The following FHIT variants were observed in gnomAD, a reference collection of about 807,000 sequenced individuals.
FHIT encodes fragile histidine triad diadenosine triphosphatase.
FHIT carries 19 observed loss-of-function variants against 17.9 expected under a neutral mutation model. The ratio of observed to expected loss-of-function variants is 1.06; its 90% CI spans 0.74 to 1.56. FHIT has a LOEUF of 1.56. Ranked by LOEUF, FHIT falls within the 40% of genes most tolerant of loss-of-function variation. The probability of loss-of-function intolerance (pLI) is 0.00; values close to 1 mark genes in which losing one functional copy is unlikely to be tolerated. For missense variants in FHIT, 248 were observed against 189.2 expected, an observed-to-expected ratio of 1.31 and a Z score of -1.82; for synonymous variants, 81 against 69.7, an observed-to-expected ratio of 1.16 and a Z score of -0.81.
At chr3:60,353,297 A>G (rs1699503052) in intron 5 of FHIT, among the ~76,000 whole-genome samples, 1 of 152,070 alleles carries the variant, frequency 6.6e-6, no homozygotes, top group African/African-American at 2.4e-5. Flanking sequence ...CTTTTTCTGT[A>G]AGATGCCCAG....
intron 2 of FHIT, among the ~76,000 whole-genome samples, chr3:61,046,408 T>C (rs1341083978): frequency 6.6e-6 from 1 of 152,198 alleles, no homozygotes; most frequent in Non-Finnish European, 1.5e-5. Context: ...GATAAATTCC[T>C]AGACACATAC....
chr3:60,074,935 T>C (rs915283648), intron 5 of FHIT, among the ~76,000 whole-genome samples: 2 of 152,210 alleles, frequency 1.3e-5, no homozygotes, highest in Admixed American at 6.5e-5. Flanking sequence ...TCCCTTTCAC[T>C]GGATCCAAGA....
chr3:59,929,052 T>C (rs1198008988), intron 7 of FHIT, among the ~76,000 whole-genome samples: 1 of 129,892 alleles, frequency 7.7e-6, no homozygotes, highest in Non-Finnish European at 1.6e-5. Flanking sequence ...GGCAAGGAAG[T>C]GGAGAAATTG....
chr3:60,545,537 C>T (rs1404805634), intron 4 of FHIT, among the ~76,000 whole-genome samples: 2 of 152,288 alleles, frequency 1.3e-5, no homozygotes, highest in East Asian at 3.9e-4. Flanking sequence ...CTCTATCTCT[C>T]ACCTACTGTG....
chr3:60,155,976 C>T (rs545456182), intron 5 of FHIT, among the ~76,000 whole-genome samples: 1 of 152,256 alleles, frequency 6.6e-6, no homozygotes, highest in Non-Finnish European at 1.5e-5. Flanking sequence ...TTTTAAAAAT[C>T]TATTGAGATT....
intron 4 of FHIT, among the ~76,000 whole-genome samples, chr3:60,799,205 G>A (rs146248787): frequency 1.9e-4 from 28 of 150,878 alleles, no homozygotes; most frequent in Middle Eastern, 3.6e-3. Context: ...ACAGAGTTTC[G>A]CTCTTGTTGC....
intron 4 of FHIT, among the ~76,000 whole-genome samples, chr3:60,808,908 A>C (rs561692555): frequency 6.6e-6 from 1 of 152,174 alleles, no homozygotes; most frequent in Admixed American, 6.5e-5. Context: ...TTCAGTCCAA[A>C]CCAATGGACT....
chr3:60,294,982 G>A (rs951961539), intron 5 of FHIT, among the ~76,000 whole-genome samples: 1 of 152,150 alleles, frequency 6.6e-6, no homozygotes, highest in African/African-American at 2.4e-5. Flanking sequence ...AAAGCTGCTA[G>A]GAACATTTGT....
chr3:60,534,246 T>G (rs1383314267), intron 5 of FHIT, among the ~76,000 whole-genome samples: 1 of 142,064 alleles, frequency 7.0e-6, no homozygotes, highest in Non-Finnish European at 1.5e-5. Context: ...GCTAACAAGG[T>G]GAAACCCCGT....
chr3:61,035,116 T>C (rs951327752), intron 3 of FHIT, among the ~76,000 whole-genome samples: 2 of 152,078 alleles, frequency 1.3e-5, no homozygotes, highest in Admixed American at 6.5e-5. Context: ...AGAATACAGA[T>C]TGGTGGCTGA....
At chr3:60,215,893 T>C (rs1006743533) in intron 5 of FHIT, among the ~76,000 whole-genome samples, 2 of 152,196 alleles carry the variant, frequency 1.3e-5, no homozygotes, top group Non-Finnish European at 2.9e-5. Flanking sequence ...ATTTTTGGAT[T>C]AATTTTGAAT....
chr3:59,843,884 T>G (rs1479219561), intron 8 of FHIT, among the ~76,000 whole-genome samples: 3 of 152,120 alleles, frequency 2.0e-5, no homozygotes, highest in African/African-American at 7.2e-5. Context: ...ATCCCCAATG[T>G]TGGAGATGAG....
chr3:59,871,809 A>C (rs77762616), intron 8 of FHIT, among the ~76,000 whole-genome samples: 2 of 152,206 alleles, frequency 1.3e-5, no homozygotes, highest in African/African-American at 4.8e-5. Flanking sequence ...GTTTCTCACA[A>C]GTATCCACAT....
intron 4 of FHIT, among the ~76,000 whole-genome samples, chr3:60,766,646 C>G (rs1185210130): frequency 4.8e-5 from 5 of 104,936 alleles, no homozygotes; most frequent in East Asian, 2.1e-4. Context: ...AACATGGGAG[C>G]CTTTTCAAAT....
intron 4 of FHIT, among the ~76,000 whole-genome samples, chr3:60,674,966 G>T (rs1317201455): frequency 6.6e-6 from 1 of 152,118 alleles, no homozygotes; most frequent in Non-Finnish European, 1.5e-5. Flanking sequence ...CAGCAACAAA[G>T]TACAAACTCT....
At chr3:60,703,987 A>AT (rs1313255263) in intron 4 of FHIT, among the ~76,000 whole-genome samples, 9 of 150,300 alleles carry the variant, frequency 6.0e-5, no homozygotes, top group South Asian at 4.2e-4. Context: ...TGGCTATAAA[A>AT]TTTTTTTTTA....
chr3:59,802,861 G>A (rs190736528), intron 8 of FHIT, among the ~76,000 whole-genome samples: 1 of 151,860 alleles, frequency 6.6e-6, no homozygotes, highest in East Asian at 1.9e-4. Context: ...AGTGAGAATA[G>A]AGAAAAGATA....
intron 3 of FHIT, among the ~76,000 whole-genome samples, chr3:60,991,473 C>A (rs1430592634): frequency 6.6e-6 from 1 of 152,146 alleles, no homozygotes; most frequent in African/African-American, 2.4e-5. Context: ...TTACAGCTGT[C>A]TGGGCGTCAT....
At chr3:60,091,246 T>A (rs1196832403) in intron 5 of FHIT, among the ~76,000 whole-genome samples, 1 of 152,190 alleles carries the variant, frequency 6.6e-6, no homozygotes, top group Non-Finnish European at 1.5e-5. Flanking sequence ...CTAAAGCCCA[T>A]CCAGGCAAGG....
Sources: allele counts gnomAD v4.1 joint callset (sites outside exome capture counted in the v4.1 genomes callset), GRCh38; gene constraint gnomAD v4.1.1; transcripts MANE v1.5; gene names NCBI Gene and HGNC (gene_info 2026-07-23, HGNC 2026-07-21).